RPTOR: variants seen among roughly 807,000 people sequenced by gnomAD.
The protein encoded by RPTOR is regulatory-associated protein of mTOR.
RPTOR carries 21 observed loss-of-function variants against 169.9 expected under a neutral mutation model. The ratio of observed to expected loss-of-function variants is 0.12; its 90% CI spans 0.09 to 0.18. The LOEUF (loss-of-function observed/expected upper bound fraction) is 0.18, where lower values mean the gene tolerates loss of function less well. RPTOR is among the 10% of genes least tolerant of loss of function. The pLI is 1.00. For synonymous variants in RPTOR, 732 were observed against 753.2 expected (o/e 0.97, Z 0.46); for missense variants, 1,133 against 1,855.9 (o/e 0.61, Z 7.16).
chr17:80,563,308 G>T (rs971995592), intron 1 of RPTOR, among the ~76,000 whole-genome samples: 24 of 151,848 alleles, frequency 1.6e-4, no homozygotes, highest in African/African-American at 5.6e-4. Flanking sequence ...GCTGAGGCGG[G>T]TGGATCACGA....
chr17:80,798,582 G>A (rs911509342), intron 7 of RPTOR, among the ~76,000 whole-genome samples: 8 of 151,886 alleles, frequency 5.3e-5, no homozygotes, highest in African/African-American at 1.5e-4. Flanking sequence ...GCAGGATGGC[G>A]CTCCTCCAAC....
chr17:80,605,477 G>A (rs1248295002), intron 1 of RPTOR, among the ~76,000 whole-genome samples: 6 of 152,194 alleles, frequency 3.9e-5, no homozygotes, highest in African/African-American at 1.4e-4. Context: ...TTCCGTTACT[G>A]TGTCCGTGAT....
At position 80,965,038 on chromosome 17, in the gene RPTOR, C is replaced by G. The variant is rs948235085; in HGVS notation, c.*708C>G. 8.6e-6 allele frequency: 2 copies of G among 233,316 alleles called. No individual in the cohort carries two copies. Among genetic ancestry groups the G allele is most frequent in the East Asian group, 6.0e-5 (1 of 16,592 alleles). The allele number at this position is 233,316 out of a possible 1,614,324, so 14.5% of individuals were successfully genotyped here. ...GGTCTCTGGACTCCAGTTTTGGCCCCTCTCACACAGAGCTGTCAGCAGGGG... is the reference window on the plus strand; with the variant it reads ...GGTCTCTGGACTCCAGTTTTGGCCCGTCTCACACAGAGCTGTCAGCAGGGG... On this transcript the variant is annotated 3_prime_UTR_variant, in exon 34 of 34. Coordinates refer to ENST00000306801, the MANE Select transcript of RPTOR (RefSeq NM_020761.3).
intron 2 of RPTOR, among the ~76,000 whole-genome samples, chr17:80,639,531 C>T (rs2065535613): frequency 6.6e-6 from 1 of 152,176 alleles, no homozygotes; most frequent in South Asian, 2.1e-4. Flanking sequence ...CCCAGCTGCA[C>T]TGCTGGGTCT....
At chr17:80,948,322 C>T (rs959665168) in intron 27 of RPTOR, among the ~76,000 whole-genome samples, 12 of 152,272 alleles carry the variant, frequency 7.9e-5, no homozygotes, top group African/African-American at 2.9e-4. Context: ...GCCCCTCCTC[C>T]GAGCGCTGCC....
intron 18 of RPTOR, among the ~76,000 whole-genome samples, chr17:80,892,141 G>A (rs2068332994): frequency 1.3e-5 from 2 of 152,134 alleles, no homozygotes; most frequent in Admixed American, 6.5e-5. Flanking sequence ...CGCAGGGGCC[G>A]TCTTCCTGCG....
intron 3 of RPTOR, among the ~76,000 whole-genome samples, chr17:80,653,263 G>A (rs4889873): frequency 0.99 from 150,319 of 152,316 alleles, 74,185 homozygotes; most frequent in East Asian, 1. Context: ...TCATAAAACT[G>A]TTAAGAGGTT....
chr17:80,579,472 G>A (rs953677711), intron 1 of RPTOR, among the ~76,000 whole-genome samples: 6 of 152,316 alleles, frequency 3.9e-5, no homozygotes, highest in South Asian at 2.1e-4. Context: ...GATCATAGGC[G>A]TGAGCCACCA....
chr17:80,900,423 TCTC>T (rs1376263332), intron 20 of RPTOR, among the ~76,000 whole-genome samples: 3 of 152,026 alleles, frequency 2.0e-5, no homozygotes, highest in Non-Finnish European at 2.9e-5. Context: ...TTCAAGCAAT[TCTC>T]CTGCCTCAGC....
chr17:80,610,840 G>C (rs890096220), intron 1 of RPTOR, among the ~76,000 whole-genome samples: 2 of 152,196 alleles, frequency 1.3e-5, no homozygotes, highest in Non-Finnish European at 1.5e-5. Flanking sequence ...CATCATCTTA[G>C]ACACCAATTT....
intron 25 of RPTOR, among the ~76,000 whole-genome samples, chr17:80,944,146 C>T (rs952318200): frequency 6.6e-6 from 1 of 152,194 alleles, no homozygotes; most frequent in African/African-American, 2.4e-5. Flanking sequence ...TCCTAGTGCT[C>T]GTGTTTGGGG....
intron 3 of RPTOR, among the ~76,000 whole-genome samples, chr17:80,660,034 G>A (rs2065709703): frequency 6.6e-6 from 1 of 152,176 alleles, no homozygotes; most frequent in Non-Finnish European, 1.5e-5. Context: ...ACTTTGGGAA[G>A]CCGAGGTGGG....
intron 3 of RPTOR, among the ~76,000 whole-genome samples, chr17:80,702,406 A>G (rs1030533903): frequency 1.3e-5 from 2 of 152,162 alleles, no homozygotes; most frequent in Non-Finnish European, 2.9e-5. Flanking sequence ...TTGTCATTTT[A>G]TATGTCCAGC....
chr17:80,675,852 A>G (rs948337226), intron 3 of RPTOR, among the ~76,000 whole-genome samples: 1 of 152,252 alleles, frequency 6.6e-6, no homozygotes, highest in East Asian at 1.9e-4. Flanking sequence ...TGAATCCACC[A>G]CATTGCTGGA....
intron 5 of RPTOR, among the ~76,000 whole-genome samples, chr17:80,738,870 A>T (rs2066457364): frequency 6.6e-6 from 1 of 152,256 alleles, no homozygotes; most frequent in Non-Finnish European, 1.5e-5. Flanking sequence ...ATTGATTTGT[A>T]TGAAATGTGA....
chr17:80,739,000 A>G, intron 5 of RPTOR, among the ~76,000 whole-genome samples: 1 of 152,152 alleles, frequency 6.6e-6, no homozygotes, highest in East Asian at 1.9e-4. Flanking sequence ...TTTGTTTCTA[A>G]TTTCATCTAT....
intron 6 of RPTOR, among the ~76,000 whole-genome samples, chr17:80,789,009 T>C (rs1240384340): frequency 6.6e-6 from 1 of 152,264 alleles, no homozygotes; most frequent in Non-Finnish European, 1.5e-5. Flanking sequence ...GTGACTGATA[T>C]ATCCATGCTA....
intron 5 of RPTOR, among the ~76,000 whole-genome samples, chr17:80,741,739 A>G (rs989843085): frequency 6.6e-6 from 1 of 152,202 alleles, no homozygotes; most frequent in African/African-American, 2.4e-5. Flanking sequence ...GGTCGGTGTC[A>G]TCCTAGAACA....
intron 27 of RPTOR, 137 bp from the exon 28 acceptor site, chr17:80,949,306 C>T (rs1324462211): frequency 4.0e-6 from 3 of 748,468 alleles, no homozygotes; most frequent in South Asian, 1.5e-5. Flanking sequence ...AGATCTGGAA[C>T]CACGGGTAGT....
Sources: allele counts gnomAD v4.1 joint callset (sites outside exome capture counted in the v4.1 genomes callset), GRCh38; gene constraint gnomAD v4.1.1; transcripts MANE v1.5; gene names NCBI Gene and HGNC (gene_info 2026-07-23, HGNC 2026-07-21).